Variants in DPYD observed in about 807,000 individuals in gnomAD.
The protein encoded by DPYD is dihydropyrimidine dehydrogenase [NADP(+)].
In DPYD, 109 loss-of-function variants were observed where a neutral mutation model predicts 116.2. The observed-to-expected ratio is 0.94, with a 90% CI of 0.80 to 1.10. The LOEUF is 1.10. Among genes scored for constraint, DPYD ranks in the 50% least tolerant of loss-of-function variants. The probability of loss-of-function intolerance (pLI) is 0.00; values close to 1 mark genes in which losing one functional copy is unlikely to be tolerated. For missense variants in DPYD, 1,302 were observed against 1,254.5 expected, an observed-to-expected ratio of 1.04 and a Z score of -0.57; for synonymous variants, 440 against 432.0, an observed-to-expected ratio of 1.02 and a Z score of -0.23.
chr1:97,714,655 C>CAAAAAAAAAAAAAAAAAAAAAAAAAAAAA (rs1193831747), intron 5 of DPYD, among the ~76,000 whole-genome samples: 8 of 49,926 alleles, frequency 1.6e-4, no homozygotes, highest in Non-Finnish European at 1.7e-4. Context: ...AAAGAAAAGA[C>CAAAAAAAAAAAAAAAAAAAAAAAAAAAAA]AAAAAAAAAA....
chr1:97,715,545 G>A (rs1268738077), intron 5 of DPYD, among the ~76,000 whole-genome samples: 3 of 152,060 alleles, frequency 2.0e-5, no homozygotes, highest in South Asian at 2.1e-4. Flanking sequence ...TACCTAGTGG[G>A]CTCTTACTAC....
chr1:97,636,881 T>A (rs1657596183), intron 8 of DPYD, among the ~76,000 whole-genome samples: 1 of 152,106 alleles, frequency 6.6e-6, no homozygotes, highest in Non-Finnish European at 1.5e-5. Context: ...CTACCCAGGG[T>A]CAGTAAGAAA....
intron 2 of DPYD, among the ~76,000 whole-genome samples, chr1:97,875,792 A>T (rs1341521215): frequency 1.3e-5 from 2 of 151,998 alleles, no homozygotes; most frequent in African/African-American, 2.4e-5. Context: ...ATAATATCTA[A>T]CATTTGTTAG....
chr1:97,130,347 T>C (rs1401558831), intron 20 of DPYD, among the ~76,000 whole-genome samples: 6 of 152,304 alleles, frequency 3.9e-5, no homozygotes, highest in Non-Finnish European at 8.8e-5. Flanking sequence ...CTTCTTTGTA[T>C]GGACACATCA....
At chr1:97,106,651 G>A (rs1651172507) in intron 20 of DPYD, among the ~76,000 whole-genome samples, 1 of 152,062 alleles carries the variant, frequency 6.6e-6, no homozygotes, top group African/African-American at 2.4e-5. Context: ...GAGGCCTGCA[G>A]ATTCAGGCAT....
At chr1:97,260,679 C>G (rs1272558858) in intron 18 of DPYD, among the ~76,000 whole-genome samples, 2 of 151,986 alleles carry the variant, frequency 1.3e-5, no homozygotes, top group African/African-American at 4.8e-5. Context: ...CACTCAAATA[C>G]AAAACAAAAG....
intron 3 of DPYD, among the ~76,000 whole-genome samples, chr1:97,810,398 T>C (rs1165591594): frequency 1.3e-5 from 2 of 152,068 alleles, no homozygotes; most frequent in Non-Finnish European, 2.9e-5. Context: ...TAAATAATTA[T>C]ATAGCATATC....
At chr1:97,814,746 A>C (rs1459105153) in intron 3 of DPYD, among the ~76,000 whole-genome samples, 1 of 152,032 alleles carries the variant, frequency 6.6e-6, no homozygotes, top group Non-Finnish European at 1.5e-5. Flanking sequence ...TCCACTAAAA[A>C]TACAAAAACT....
intron 16 of DPYD, among the ~76,000 whole-genome samples, chr1:97,345,587 G>A (rs891478729): frequency 1.3e-5 from 2 of 151,916 alleles, no homozygotes; most frequent in Non-Finnish European, 2.9e-5. Context: ...CTGTCGGGAT[G>A]CGAGAAAATG....
intron 5 of DPYD, among the ~76,000 whole-genome samples, chr1:97,702,553 T>C (rs925366496): frequency 6.6e-6 from 1 of 151,946 alleles, no homozygotes; most frequent in Non-Finnish European, 1.5e-5. Flanking sequence ...TATTTAAAAG[T>C]ATCATTTATT....
intron 13 of DPYD, among the ~76,000 whole-genome samples, chr1:97,457,830 T>C (rs994832461): frequency 6.6e-6 from 1 of 152,298 alleles, no homozygotes; most frequent in Non-Finnish European, 1.5e-5. Flanking sequence ...TCCATTGTGT[T>C]CTGTCTCCTA....
intron 16 of DPYD, among the ~76,000 whole-genome samples, chr1:97,333,675 C>T (rs1048850640): frequency 6.6e-6 from 1 of 151,102 alleles, no homozygotes; most frequent in Admixed American, 6.6e-5. Context: ...TGCCTGCCAC[C>T]ACGCCTGGCT....
At chr1:97,799,509 T>G (rs1490175094) in intron 3 of DPYD, among the ~76,000 whole-genome samples, 2 of 151,882 alleles carry the variant, frequency 1.3e-5, no homozygotes, top group African/African-American at 4.8e-5. Context: ...TCTGAAATAA[T>G]AAAGGTGAAG....
intron 5 of DPYD, among the ~76,000 whole-genome samples, chr1:97,713,997 T>C (rs754383628): frequency 3.9e-5 from 6 of 152,132 alleles, no homozygotes; most frequent in Non-Finnish European, 8.8e-5. Flanking sequence ...TAGTAATTTT[T>C]CATTATCATG....
intron 13 of DPYD, among the ~76,000 whole-genome samples, chr1:97,485,773 C>A (rs929281239): frequency 2.0e-5 from 3 of 152,072 alleles, no homozygotes; most frequent in Non-Finnish European, 4.4e-5. Flanking sequence ...CAAGGCTGCC[C>A]CCAGATAGTT....
intron 14 of DPYD, among the ~76,000 whole-genome samples, chr1:97,413,389 GC>G (rs1403020133): frequency 3.9e-5 from 6 of 152,188 alleles, no homozygotes; most frequent in African/African-American, 1.4e-4. Flanking sequence ...TAAGAGTAAT[GC>G]GGATTTTTGC....
chr1:97,414,477 AG>A (rs1674181053), intron 14 of DPYD, among the ~76,000 whole-genome samples: 1 of 152,244 alleles, frequency 6.6e-6, no homozygotes, highest in East Asian at 1.9e-4. Context: ...GGACTTGTAC[AG>A]TTTCGGTCAA....
At chr1:97,137,313 C>T (rs1034003222) in intron 20 of DPYD, among the ~76,000 whole-genome samples, 4 of 152,198 alleles carry the variant, frequency 2.6e-5, no homozygotes, top group Admixed American at 6.5e-5. Flanking sequence ...GAAAATATTA[C>T]TATTGATTTG....
chr1:97,232,910 T>C (rs1661670446), intron 19 of DPYD, among the ~76,000 whole-genome samples: 1 of 152,212 alleles, frequency 6.6e-6, no homozygotes, highest in African/African-American at 2.4e-5. Flanking sequence ...CATCTATCAA[T>C]TCTTTTTTAT....
Sources: gnomAD v4.1 joint callset for allele counts (sites outside exome capture counted in the v4.1 genomes callset) on GRCh38, gnomAD v4.1.1 for gene constraint, MANE v1.5 for transcripts, NCBI Gene and HGNC (gene_info 2026-07-23, HGNC 2026-07-21) for gene names.